The following DCLRE1C variants were observed in gnomAD, a reference collection of about 807,000 sequenced individuals.
DCLRE1C encodes the protein protein artemis.
DCLRE1C carries 47 observed loss-of-function variants against 61.4 expected under a neutral mutation model. That is an observed-to-expected ratio of 0.77 (90% CI 0.61 to 0.98). The LOEUF (loss-of-function observed/expected upper bound fraction) is 0.98. Among genes scored for constraint, DCLRE1C ranks in the 50% least tolerant of loss-of-function variants. DCLRE1C has a pLI of 0.00. For synonymous variants in DCLRE1C, 337 were observed against 287.6 expected (o/e 1.17, Z -1.74); for missense variants, 858 against 816.0 (o/e 1.05, Z -0.63).
chr10:14,945,171 G>T lies in DCLRE1C; in HGVS notation c.180C>A (p.Tyr60Ter), dbSNP rs2131108640. The change falls in exon 3 of 14, where the codon TAC (tyrosine) becomes TAA (stop). Residue 60 changes from tyrosine (Y) to a stop codon, truncating the protein, a stop_gained. Transcript: ENST00000378278. LOFTEE classifies it high-confidence loss of function. ...RLECSLKVYLYCSPVTKELLL... is the reference protein window; with the variant it reads ...RLECSLKVYL Reference sequence around the variant, plus strand: ...ACAACTCCTTAGTCACAGGTGAACAGTATAGATAAACCTTCAAGCTGAAAG... The same window carrying T: ...ACAACTCCTTAGTCACAGGTGAACATTATAGATAAACCTTCAAGCTGAAAG... The T allele has an allele frequency of 6.2e-7, 1 of 1,612,864 alleles. No homozygotes were observed. The highest frequency in any genetic ancestry group is 8.5e-7 in the Non-Finnish European group (1 of 1,179,428).
chr10:14,929,552 A>G (rs1377334479), intron 9 of DCLRE1C, among the ~76,000 whole-genome samples: 2 of 150,756 alleles, frequency 1.3e-5, no homozygotes, highest in African/African-American at 2.4e-5. Context: ...CGAGGCAGGA[A>G]GATCACTTGA....
chr10:14,918,415 A>G (rs1440700202), intron 13 of DCLRE1C, among the ~76,000 whole-genome samples: 1 of 152,240 alleles, frequency 6.6e-6, no homozygotes, highest in Non-Finnish European at 1.5e-5. Flanking sequence ...TAGAACATGC[A>G]AACTATAGTG....
intron 9 of DCLRE1C, 135 bp downstream of exon 9, chr10:14,932,719 C>A: frequency 1.0e-6 from 1 of 993,294 alleles, no homozygotes; most frequent in Non-Finnish European, 1.6e-6. Context: ...GTTCCATGAC[C>A]TTGAGCTAAC....
At position 14,954,016 on chromosome 10, in the gene DCLRE1C, C is replaced by T; in HGVS notation, c.-6G>A. ...TGCCCCTCGAAAGAACTCATAGCGC[C>T]GCCGATCCCAGAGTCCGGGACCCCA... On this transcript the variant is annotated 5_prime_UTR_variant, in exon 1 of 14. Transcript: ENST00000378278. The T allele has an allele frequency of 6.2e-7, 1 of 1,613,958 alleles. No homozygotes were observed. Among genetic ancestry groups the T allele is most frequent in the East Asian group, 2.2e-5 (1 of 44,868 alleles).
At chr10:14,927,157 G>A (rs1292587089) in intron 10 of DCLRE1C, among the ~76,000 whole-genome samples, 1 of 152,148 alleles carries the variant, frequency 6.6e-6, no homozygotes, top group Non-Finnish European at 1.5e-5. Flanking sequence ...CGACGCGTAC[G>A]GATTGCCTGA....
chr10:14,931,841 C>A (rs189806815), intron 9 of DCLRE1C, among the ~76,000 whole-genome samples: 12 of 152,074 alleles, frequency 7.9e-5, no homozygotes, highest in Non-Finnish European at 2.9e-5. Flanking sequence ...GAGTTCAAGA[C>A]CCCCCTGGCC....
chr10:14,941,469 T>C (rs898780822), intron 3 of DCLRE1C, among the ~76,000 whole-genome samples: 2 of 152,132 alleles, frequency 1.3e-5, no homozygotes, highest in Non-Finnish European at 1.5e-5. Flanking sequence ...GGTTTTTTTG[T>C]AGACATGGGG....
chr10:14,914,521 C>A (rs1029004915), intron 13 of DCLRE1C, among the ~76,000 whole-genome samples: 1 of 152,192 alleles, frequency 6.6e-6, no homozygotes, highest in Non-Finnish European at 1.5e-5. Flanking sequence ...GCCTAGTTGA[C>A]ATTTATAGAA....
In DCLRE1C at chr10:14,909,086, A is replaced by G; in HGVS notation, c.1401T>C (p.Ala467=). The G allele has an allele frequency of 6.2e-7, 1 of 1,614,180 alleles. No homozygotes were observed. Among genetic ancestry groups the G allele is most frequent in the Non-Finnish European group, 8.5e-7 (1 of 1,180,040 alleles). Reference sequence around the variant, plus strand: ...CAGAGCCCAGATCTCCTTGCAGTGAAGCTGGGATTCCTACTTCTTCTTCAC... The same window carrying G: ...CAGAGCCCAGATCTCCTTGCAGTGAGGCTGGGATTCCTACTTCTTCTTCAC... The part of the protein sequence containing the change: ...SESEEEVGIP[A]SLQGDLGSVL... Residue 467 remains alanine (A), a synonymous_variant, in exon 14 of 14, where the codon GCT becomes GCC. Coordinates refer to ENST00000378278, the MANE Select transcript of DCLRE1C (RefSeq NM_001033855.3).
intron 4 of DCLRE1C, among the ~76,000 whole-genome samples, chr10:14,937,427 C>T (rs1022261236): frequency 2.2e-4 from 33 of 151,696 alleles, no homozygotes; most frequent in South Asian, 2.1e-4. Flanking sequence ...GGATTATAGG[C>T]GCCTGCCATC....
downstream of DCLRE1C, chr10:14,903,445 C>G (rs1834153809): frequency 6.6e-6 from 1 of 152,186 alleles, no homozygotes; most frequent in Non-Finnish European, 1.5e-5. Flanking sequence ...CTCTCAATTT[C>G]AGGCAGGTGT....
rs754602932 is a variant in DCLRE1C, at chr10:14,934,756, C to T, written c.484G>A (p.Val162Ile). Residue 162 changes from valine (V) to isoleucine (I), a missense_variant, in exon 7 of 14, where the codon GTA becomes ATA. Coordinates refer to ENST00000378278, the MANE Select transcript of DCLRE1C (RefSeq NM_001033855.3). ...SGGRVKDIQSVYLDTTFCDPR... is the reference protein window; with the variant it reads ...SGGRVKDIQSIYLDTTFCDPR... ...TCACAGAACGTAGTATCCAAATATA[C>T]ACTTTGGATGTCTTTGACTCTGAAA... is the stretch of plus-strand genomic sequence containing the variant. 9 of 1,612,730 alleles carry T rather than the reference C, an allele frequency of 5.6e-6. No homozygotes were observed. The African/African-American group carries it at 6.7e-5, about 12-fold the overall frequency.
chr10:14,926,966 T>C (rs1838106984), intron 10 of DCLRE1C, 69 bp from the exon 11 acceptor site: 4 of 1,360,170 alleles, frequency 2.9e-6, no homozygotes, highest in Non-Finnish European at 4.2e-6. Flanking sequence ...AAGCTGGCCC[T>C]TCTCATTTAG....
chr10:14,911,571 A>G (rs552627397), intron 13 of DCLRE1C, among the ~76,000 whole-genome samples: 1 of 152,358 alleles, frequency 6.6e-6, no homozygotes, highest in Admixed American at 6.5e-5. Context: ...CTTGGATCAA[A>G]TAGTTTCTTA....
intron 1 of DCLRE1C, among the ~76,000 whole-genome samples, chr10:14,949,515 A>G (rs1246865542): frequency 6.6e-6 from 1 of 152,210 alleles, no homozygotes; most frequent in Admixed American, 6.5e-5. Flanking sequence ...CTGCTGGGAA[A>G]TCACTCAGGT....
At chr10:14,947,824 C>T (rs1321670548) in intron 2 of DCLRE1C, among the ~76,000 whole-genome samples, 1 of 152,150 alleles carries the variant, frequency 6.6e-6, no homozygotes, top group Non-Finnish European at 1.5e-5. Flanking sequence ...CTTTGGGAGG[C>T]TGAGGCAGGC....
intron 13 of DCLRE1C, among the ~76,000 whole-genome samples, chr10:14,913,784 T>A (rs1458743952): frequency 6.6e-6 from 1 of 152,154 alleles, no homozygotes; most frequent in East Asian, 1.9e-4. Context: ...TATGTGTAGG[T>A]TATATGCAAA....
At chr10:14,927,605 G>A (rs886527904) in intron 10 of DCLRE1C, among the ~76,000 whole-genome samples, 1 of 95,186 alleles carries the variant, frequency 1.1e-5, no homozygotes, top group Admixed American at 1.3e-4. Flanking sequence ...AGGGAAGAAG[G>A]GATGGAGGAG....
rs1301803222 is a variant in DCLRE1C, at chr10:14,906,360, G to C, written c.*2048C>G. On this transcript the variant is annotated 3_prime_UTR_variant, in exon 14 of 14. Coordinates refer to ENST00000378278, the MANE Select transcript of DCLRE1C (RefSeq NM_001033855.3). Reference sequence around the variant, plus strand: ...CGGTTTCTTGATCACATCTGTTGTAGTTGTCTTAGCCCAATTCATTCAGCC... The same window carrying C: ...CGGTTTCTTGATCACATCTGTTGTACTTGTCTTAGCCCAATTCATTCAGCC... 1.3e-5 allele frequency among the ~76,000 whole-genome samples: 2 copies of C among 152,172 alleles called. No homozygotes were observed. The highest frequency in any genetic ancestry group is 4.8e-5 in the African/African-American group (2 of 41,456).
Sources: allele counts gnomAD v4.1 joint callset (sites outside exome capture counted in the v4.1 genomes callset), GRCh38; gene constraint gnomAD v4.1.1; transcripts MANE v1.5; gene names NCBI Gene and HGNC (gene_info 2026-07-23, HGNC 2026-07-21).